The following FZD3 variants were observed in gnomAD, a reference collection of about 807,000 sequenced individuals.
FZD3 encodes frizzled-3.
Under a neutral mutation model 60.7 loss-of-function variants are expected in FZD3, and 30 were observed. The ratio of observed to expected loss-of-function variants is 0.49; its 90% CI spans 0.37 to 0.67. The LOEUF is 0.67. Among genes scored for constraint, FZD3 ranks in the 30% least tolerant of loss-of-function variants. The pLI is 0.00. For synonymous variants in FZD3, 246 were observed against 275.2 expected, an observed-to-expected ratio of 0.89 and a Z score of 1.05; for missense variants, 605 against 838.7, an observed-to-expected ratio of 0.72 and a Z score of 3.44.
At chr8:28,532,676 A>AGAC (rs1338913132) in intron 5 of FZD3, among the ~76,000 whole-genome samples, 1 of 151,924 alleles carries the variant, frequency 6.6e-6, no homozygotes, top group Non-Finnish European at 1.5e-5. Context: ...GGCTTTCTAA[A>AGAC]GACTGGGATT....
intron 5 of FZD3, among the ~76,000 whole-genome samples, chr8:28,537,344 C>T (rs1302694646): frequency 6.6e-6 from 1 of 152,152 alleles, no homozygotes; most frequent in African/African-American, 2.4e-5. Flanking sequence ...GTTGTGTGTT[C>T]AGTTTAAGTC....
At chr8:28,494,903 G>C (rs1803800732) in intron 1 of FZD3, among the ~76,000 whole-genome samples, 1 of 152,136 alleles carries the variant, frequency 6.6e-6, no homozygotes, top group Admixed American at 6.5e-5. Context: ...GCCCACCTTT[G>C]CCTGCCCACG....
At chr8:28,522,925 ACATCCAGCT>A (rs2130358904) in intron 4 of FZD3, among the ~76,000 whole-genome samples, 1 of 152,072 alleles carries the variant, frequency 6.6e-6, no homozygotes, top group South Asian at 2.1e-4. Context: ...GCCCACCACC[ACATCCAGCT>A]AATTTTTGCA....
chr8:28,556,444 CTT>C (rs1487450560), intron 7 of FZD3, among the ~76,000 whole-genome samples: 3 of 152,176 alleles, frequency 2.0e-5, no homozygotes, highest in Non-Finnish European at 2.9e-5. Flanking sequence ...ATATCTGCCT[CTT>C]TAATAATCTT....
chr8:28,505,599 A>T (rs1351203400), intron 3 of FZD3, among the ~76,000 whole-genome samples: 1 of 152,056 alleles, frequency 6.6e-6, no homozygotes, highest in Non-Finnish European at 1.5e-5. Flanking sequence ...CGATCCACCC[A>T]CTTGGGCCTC....
At chr8:28,525,351 A>G (rs1175244204) in intron 4 of FZD3, among the ~76,000 whole-genome samples, 2 of 152,222 alleles carry the variant, frequency 1.3e-5, no homozygotes, top group East Asian at 3.8e-4. Flanking sequence ...TAGGGATACA[A>G]TATAGGAGAG....
At chr8:28,547,998 G>A (rs536679885) in intron 5 of FZD3, among the ~76,000 whole-genome samples, 49 of 151,298 alleles carry the variant, frequency 3.2e-4, no homozygotes, top group African/African-American at 1.1e-3. Flanking sequence ...GACTACAGGC[G>A]CCCACCATCA....
chr8:28,541,964 C>T (rs542283230), intron 5 of FZD3, among the ~76,000 whole-genome samples: 1 of 152,168 alleles, frequency 6.6e-6, no homozygotes, highest in Admixed American at 6.5e-5. Context: ...CTTCATGCTT[C>T]TACTTTTGTT....
intron 6 of FZD3, among the ~76,000 whole-genome samples, chr8:28,551,979 A>C (rs1195631834): frequency 6.6e-6 from 1 of 152,216 alleles, no homozygotes; most frequent in Non-Finnish European, 1.5e-5. Context: ...CTCCTGTACT[A>C]ATTCAGAATA....
chr8:28,519,086 T>C (rs1041430439), intron 3 of FZD3, among the ~76,000 whole-genome samples: 5 of 152,232 alleles, frequency 3.3e-5, no homozygotes, highest in Admixed American at 1.3e-4. Flanking sequence ...CATCAGTTTC[T>C]ATAAGTGACT....
chr8:28,523,975 T>C (rs1299863558), intron 4 of FZD3, among the ~76,000 whole-genome samples: 1 of 152,064 alleles, frequency 6.6e-6, no homozygotes, highest in Non-Finnish European at 1.5e-5. Flanking sequence ...ACATCCTCTC[T>C]CTCCCTTTTG....
At chr8:28,503,745 G>A (rs1364521403) in intron 3 of FZD3, among the ~76,000 whole-genome samples, 2 of 152,198 alleles carry the variant, frequency 1.3e-5, no homozygotes, top group Admixed American at 6.5e-5. Context: ...ATATATACCA[G>A]ATAAGAACTA....
Position 28,574,203 on chromosome 8 carries a change from G to A in FZD3, c.*11192G>A, listed in dbSNP as rs1805854909. 6.6e-6 allele frequency: 1 copy of A among 152,118 alleles called. No homozygotes were observed. The highest frequency in any genetic ancestry group is 2.1e-4 in the South Asian group (1 of 4,830). 9.4% of individuals were successfully genotyped at this position (152,118 alleles called of 1,614,324 possible). A position where few individuals can be genotyped will look rare whatever the true frequency, so the allele number is the denominator to read the frequency against. Reference sequence around the variant, plus strand: ...AGTGTACAAACTGATTTTAAATGTAGTGGTTGTATATTTTGGTTATAAATT... The same window carrying A: ...AGTGTACAAACTGATTTTAAATGTAATGGTTGTATATTTTGGTTATAAATT... On this transcript the variant is annotated 3_prime_UTR_variant, in exon 8 of 8. Transcript: ENST00000240093.
chr8:28,567,234 A>G lies in FZD3; in HGVS notation c.*4223A>G, dbSNP rs548415288. The G allele has an allele frequency of 2.0e-5, 3 of 152,128 alleles. No homozygotes were observed. Among genetic ancestry groups the G allele is most frequent in the East Asian group, 3.9e-4 (2 of 5,174 alleles). 9.4% of individuals were successfully genotyped at this position (152,128 alleles called of 1,614,324 possible). ...AGTGGCACAATCTCAGCTCACTGCAACCTCCACCTCCCAGGTTCAAGTGAT... is the reference window on the plus strand; with the variant it reads ...AGTGGCACAATCTCAGCTCACTGCAGCCTCCACCTCCCAGGTTCAAGTGAT... On this transcript the variant is annotated 3_prime_UTR_variant, in exon 8 of 8. Transcript: ENST00000240093.
Position 28,571,823 on chromosome 8 carries a change from A to G in FZD3, c.*8812A>G, listed in dbSNP as rs186539027. 2 of 152,256 alleles carry G rather than the reference A, an allele frequency of 1.3e-5. No individual in the cohort carries two copies. Among genetic ancestry groups the G allele is most frequent in the Non-Finnish European group, 2.9e-5 (2 of 67,990 alleles). 9.4% of individuals were successfully genotyped at this position (152,256 alleles called of 1,614,324 possible). A position where few individuals can be genotyped will look rare whatever the true frequency, so the allele number is the denominator to read the frequency against. On this transcript the variant is annotated 3_prime_UTR_variant, in exon 8 of 8. Coordinates refer to ENST00000240093, the MANE Select transcript of FZD3 (RefSeq NM_017412.4). Reference sequence around the variant, plus strand: ...CCCAGAAAGAAAAGTTTGACAACTCAAAAACGATTAAATTATCTTATCTTG... The same window carrying G: ...CCCAGAAAGAAAAGTTTGACAACTCGAAAACGATTAAATTATCTTATCTTG...
chr8:28,574,052 T>G lies in FZD3; in HGVS notation c.*11041T>G, dbSNP rs1232347490. On this transcript the variant is annotated 3_prime_UTR_variant, in exon 8 of 8. Coordinates refer to ENST00000240093, the MANE Select transcript of FZD3 (RefSeq NM_017412.4). ...GGATGTACAGGGCAAGTGCACTTGG[T>G]TAGAGCATGAACTGGGAATTTCACA... 1.3e-5 allele frequency: 2 copies of G among 152,200 alleles called. No homozygotes were observed. Among genetic ancestry groups the G allele is most frequent in the East Asian group, 3.8e-4 (2 of 5,202 alleles). 9.4% of individuals were successfully genotyped at this position (152,200 alleles called of 1,614,324 possible). A position where few individuals can be genotyped will look rare whatever the true frequency, so the allele number is the denominator to read the frequency against.
intron 1 of FZD3, among the ~76,000 whole-genome samples, chr8:28,497,458 T>TAAGAG (rs72585886): frequency 0.62 from 93,989 of 151,422 alleles, 29,417 homozygotes; most frequent in East Asian, 0.68. Flanking sequence ...ATAATTTCCT[T>TAAGAG]AAGAAGCTCT....
intron 7 of FZD3, among the ~76,000 whole-genome samples, chr8:28,560,741 A>C (rs1805598083): frequency 6.6e-6 from 1 of 152,206 alleles, no homozygotes; most frequent in Non-Finnish European, 1.5e-5. Flanking sequence ...AAGATCTCCA[A>C]ATCAGCAGCC....
intron 5 of FZD3, among the ~76,000 whole-genome samples, chr8:28,530,073 C>T (rs990269824): frequency 1.4e-5 from 2 of 145,366 alleles, no homozygotes; most frequent in South Asian, 2.2e-4. Flanking sequence ...CCAGTTTGAG[C>T]TACACTGAAA....
Sources: allele counts gnomAD v4.1 joint callset (sites outside exome capture counted in the v4.1 genomes callset), GRCh38; gene constraint gnomAD v4.1.1; transcripts MANE v1.5; gene names NCBI Gene and HGNC (gene_info 2026-07-23, HGNC 2026-07-21).